The following ADAM8 variants were observed in gnomAD, a reference collection of about 807,000 sequenced individuals.
ADAM8 encodes ADAM metallopeptidase domain 8, also known as disintegrin and metalloproteinase domain-containing protein 8.
ADAM8 carries 104 observed loss-of-function variants against 102.4 expected under a neutral mutation model. The observed-to-expected ratio is 1.02, with a 90% CI of 0.87 to 1.20. The LOEUF is 1.20. Among genes scored for constraint, ADAM8 ranks in the 50% most tolerant of loss-of-function variants. The probability of loss-of-function intolerance (pLI) is 0.00; values close to 1 mark genes in which losing one functional copy is unlikely to be tolerated. For missense variants in ADAM8, 1,132 were observed against 1,159.0 expected, an observed-to-expected ratio of 0.98 and a Z score of 0.34; for synonymous variants, 517 against 485.2, an observed-to-expected ratio of 1.07 and a Z score of -0.86.
At chr10:133,275,758 C>G in intron 1 of ADAM8, 171 bp from the exon 2 acceptor site, 3 of 524,452 alleles carry the variant, frequency 5.7e-6, no homozygotes, top group Non-Finnish European at 6.6e-6. Flanking sequence ...TAAAAGACCC[C>G]AGGAGCGCCC....
chr10:133,270,969 C>G lies in ADAM8; in HGVS notation c.1476G>C (p.Gln492His), dbSNP rs1271895157. 1 of 1,612,852 alleles carries G rather than the reference C, an allele frequency of 6.2e-7. No homozygotes were observed. Among genetic ancestry groups the G allele is most frequent in the African/African-American group, 1.3e-5 (1 of 75,060 alleles). Residue 492 changes from glutamine to histidine, a missense_variant, in exon 14 of 23, where the codon CAG becomes CAC. Transcript: ENST00000445355. ...RHPECPEDAF[Q>H]ENGTPCSGGY... ...CCCCGGAGCAGGGCGTGCCGTTCTCCTGGAAGGCGTCTTCCGGGCACTCAG... is the reference window on the plus strand; with the variant it reads ...CCCCGGAGCAGGGCGTGCCGTTCTCGTGGAAGGCGTCTTCCGGGCACTCAG...
rs1448745900 is a variant in ADAM8 at position 133,275,466 on chromosome 10, A to C, written c.150+18T>G. 2.0e-6 allele frequency: 3 copies of C among 1,515,878 alleles called. No homozygotes were observed. The Admixed American group carries it at 6.8e-5, about 34-fold the overall frequency. The allele number at this position is 1,515,878 out of a possible 1,614,324, so 93.9% of individuals were successfully genotyped here. A position where few individuals can be genotyped will look rare whatever the true frequency, so the allele number is the denominator to read the frequency against. On this transcript the variant is annotated intron_variant, in intron 2 of 22. Transcript: ENST00000445355. ...CAGGGGCCAGCCAGGGACCCTCCCCAGGCCAGCTTAGACTCACCAAGTGGG... is the reference window on the plus strand; with the variant it reads ...CAGGGGCCAGCCAGGGACCCTCCCCCGGCCAGCTTAGACTCACCAAGTGGG...
intron 22 of ADAM8, 102 bp downstream of exon 22, chr10:133,263,586 A>G: frequency 1.3e-5 from 1 of 77,380 alleles, no homozygotes; most frequent in Non-Finnish European, 1.9e-5. Flanking sequence ...AGATAATCAG[A>G]AAAAAACCCC....
At chr10:133,271,355 G>A in intron 12 of ADAM8, 66 bp from the exon 13 acceptor site, 3 of 1,548,028 alleles carry the variant, frequency 1.9e-6, no homozygotes, top group Non-Finnish European at 2.6e-6. Context: ...GGCGGACCTG[G>A]CCGCCTCCCC....
At chr10:133,269,315 C>T in intron 18 of ADAM8, 130 bp downstream of exon 18, 16 of 1,253,016 alleles carry the variant, frequency 1.3e-5, no homozygotes, top group South Asian at 1.6e-5. Context: ...ACCTGTGTGT[C>T]GATGCCTGTG....
chr10:133,263,581 A>T, intron 22 of ADAM8, 107 bp downstream of exon 22: 1 of 1,039,892 alleles, frequency 9.6e-7, no homozygotes, highest in East Asian at 2.8e-5. Flanking sequence ...TCCACAGATA[A>T]TCAGAAAAAA....
chr10:133,271,296 C>T lies in ADAM8; in HGVS notation c.1285-7G>A, dbSNP rs375944480. 333 of 1,608,198 alleles carry T rather than the reference C, an allele frequency of 2.1e-4. 1 individual carries two copies. The highest frequency in any genetic ancestry group is 2.6e-4 in the Non-Finnish European group (309 of 1,178,806). On this transcript the variant is annotated splice_polypyrimidine_tract_variant and splice_region_variant and intron_variant, in intron 12 of 22. Transcript: ENST00000445355. ...AGCAGCGGTTCCGGCAGTCCTGGGG[C>T]GACGGCAAAGGCCTTGGCAGGCTGC...
chr10:133,269,369 CG>C lies in ADAM8; in HGVS notation c.1948+75del, dbSNP rs1363493255. ...GAACACCACCAGCTTCCCGGGCCCG[CG>C]GCTTCTGCCTGGGCTCTGTTCGGGC... On this transcript the variant is annotated intron_variant, in intron 18 of 22. Coordinates refer to ENST00000445355, the MANE Select transcript of ADAM8 (RefSeq NM_001109.5). The C allele has an allele frequency of 4.3e-6, 6 of 1,391,380 alleles. No homozygotes were observed. The African/African-American group carries it at 8.8e-5, about 20-fold the overall frequency. The allele number at this position is 1,391,380 out of a possible 1,614,324, so 86.2% of individuals were successfully genotyped here.
rs751585262 is a variant in ADAM8 at position 133,273,958 on chromosome 10, C to A, written c.299G>T (p.Arg100Leu). Residue 100 changes from arginine (R) to leucine (L), a missense_variant, in exon 4 of 23, where the codon CGC (arginine) becomes CTC (leucine). Coordinates refer to ENST00000445355, the MANE Select transcript of ADAM8 (RefSeq NM_001109.5). ...GCTCCGCCCGACCCATACCTGCCCG[C>A]GAGGCTGCTCCGTCACCTCGGAGCC... is the stretch of plus-strand genomic sequence containing the variant. ...ANGSEVTEQP[R>L]GQDHCFYQGH... The A allele has an allele frequency of 1.2e-6, 2 of 1,601,388 alleles. No individual in the cohort carries two copies. Among genetic ancestry groups the A allele is most frequent in the South Asian group, 1.1e-5 (1 of 89,222 alleles).
At position 133,271,890 on chromosome 10, in the gene ADAM8, C is replaced by G; in HGVS notation, c.1022G>C (p.Gly341Ala). 6.2e-7 allele frequency: 1 copy of G among 1,612,660 alleles called. No individual in the cohort carries two copies. Among genetic ancestry groups the G allele is most frequent in the Non-Finnish European group, 8.5e-7 (1 of 1,179,866 alleles). The change falls in exon 11 of 23, where the codon GGC (glycine) becomes GCC (alanine). Residue 341 changes from glycine (G) to alanine (A), a missense_variant. Physicochemically the swap from Gly to Ala is moderately conservative, Grantham distance 60 (BLOSUM62 0). Transcript: ENST00000445355. The part of the protein sequence containing the change: ...TMAHEMGHNL[G>A]MDHDENVQGC... ...CTGGACGTTCTCATCATGGTCCATG[C>G]CCAGGTTGTGGCCCATCTCATGGGC...
rs745517238 is a variant in ADAM8, at chr10:133,268,783, G to T, written c.2028C>A (p.Ile676=). ...TGCGGCTCCGGGCTTTGCGGTAGAC[G>T]ATGATGCCTGCCAGGGTGACCAGCA... The part of the protein sequence containing the change: ...AVVLVTLAGI[I]VYRKARSRIL... Residue 676 remains isoleucine, a synonymous_variant, in exon 19 of 23, where the codon ATC becomes ATA. Coordinates refer to ENST00000445355, the MANE Select transcript of ADAM8 (RefSeq NM_001109.5). 6.2e-7 allele frequency: 1 copy of T among 1,610,850 alleles called. No individual in the cohort carries two copies.
chr10:133,273,944 C>G lies in ADAM8; in HGVS notation c.306+7G>C. 1 of 1,594,328 alleles carries G rather than the reference C, an allele frequency of 6.3e-7. No homozygotes were observed. Among genetic ancestry groups the G allele is most frequent in the Non-Finnish European group, 8.5e-7 (1 of 1,173,768 alleles). ...CTGCCCGCCCAGCTGCTCCGCCCGA[C>G]CCATACCTGCCCGCGAGGCTGCTCC... is the stretch of plus-strand genomic sequence containing the variant. On this transcript the variant is annotated splice_region_variant and intron_variant, in intron 4 of 22. Coordinates refer to ENST00000445355, the MANE Select transcript of ADAM8 (RefSeq NM_001109.5).
In ADAM8 at chr10:133,262,893, G is replaced by C. The variant is rs893482922; in HGVS notation, c.*263C>G. The stretch of plus-strand genomic sequence containing the variant: ...CACCTGGAGACACGTACACACACAC[G>C]CACCCGCAAGCACACAGCTCATCCC... On this transcript the variant is annotated 3_prime_UTR_variant, in exon 23 of 23. Coordinates refer to ENST00000445355, the MANE Select transcript of ADAM8 (RefSeq NM_001109.5). 2 of 595,148 alleles carry C rather than the reference G, an allele frequency of 3.4e-6. No homozygotes were observed. Among genetic ancestry groups the C allele is most frequent in the Admixed American group, 2.7e-5 (1 of 36,478 alleles). 36.9% of individuals were successfully genotyped at this position (595,148 alleles called of 1,614,324 possible). A position where few individuals can be genotyped will look rare whatever the true frequency, so the allele number is the denominator to read the frequency against.
At position 133,264,058 on chromosome 10, in the gene ADAM8, C is replaced by CTT. The variant is rs3058139; in HGVS notation, c.2320-295_2320-294dup. Among the ~76,000 whole-genome samples the CTT allele has an allele frequency of 1.3e-3, 112 of 84,044 alleles. 1 individual carries two copies. Among genetic ancestry groups the CTT allele is most frequent in the African/African-American group, 3.8e-3 (103 of 27,444 alleles). 55.1% of individuals were successfully genotyped at this position (84,044 alleles called of 152,430 possible). A position where few individuals can be genotyped will look rare whatever the true frequency, so the allele number is the denominator to read the frequency against. On this transcript the variant is annotated intron_variant, in intron 21 of 22. Transcript: ENST00000445355. ...ACCCTCCAAGAGCTTTTTTCCTTTC[C>CTT]TTTTTTTTTTTTTTTTTTTTTGAGT...
intron 5 of ADAM8, 102 bp downstream of exon 5, chr10:133,273,660 G>A: frequency 7.2e-7 from 1 of 1,387,624 alleles, no homozygotes; most frequent in South Asian, 1.3e-5. Context: ...GGCCTGAGTG[G>A]GAGGAGGAGG....
intron 6 of ADAM8, 114 bp downstream of exon 6, chr10:133,273,140 C>G: frequency 1.3e-6 from 2 of 1,587,124 alleles, no homozygotes; most frequent in Non-Finnish European, 1.7e-6. Context: ...GCCAGGCCTG[C>G]TCCAGGCTGC....
intron 17 of ADAM8, 125 bp from the exon 18 acceptor site, chr10:133,269,654 A>G: frequency 9.3e-7 from 1 of 1,071,132 alleles, no homozygotes; most frequent in Non-Finnish European, 1.3e-6. Context: ...CCCTGCCCAC[A>G]TGCGCCGACG....
Position 133,270,238 on chromosome 10 carries a change from C to T in ADAM8, c.1785+122G>A, listed in dbSNP as rs139226456. ...AACCTTTCAGTCTCTACTAGAAGCGCGGAGAGAACTCTGTTCCCATGGCCT... is the reference window on the plus strand; with the variant it reads ...AACCTTTCAGTCTCTACTAGAAGCGTGGAGAGAACTCTGTTCCCATGGCCT... On this transcript the variant is annotated intron_variant, in intron 16 of 22. Transcript: ENST00000445355. 3.3e-5 allele frequency: 43 copies of T among 1,317,580 alleles called. No individual in the cohort carries two copies. The South Asian group carries it at 3.8e-4, about 12-fold the overall frequency. 81.6% of individuals were successfully genotyped at this position (1,317,580 alleles called of 1,614,324 possible). A position where few individuals can be genotyped will look rare whatever the true frequency, so the allele number is the denominator to read the frequency against.
chr10:133,274,815 C>A, intron 2 of ADAM8: 1 of 426,714 alleles, frequency 2.3e-6, no homozygotes, highest in Non-Finnish European at 4.7e-6. Context: ...CCTGCAGAGC[C>A]TCCTGCTGGA....
Sources: gnomAD v4.1 joint callset for allele counts (sites outside exome capture counted in the v4.1 genomes callset) on GRCh38, gnomAD v4.1.1 for gene constraint, MANE v1.5 for transcripts, NCBI Gene and HGNC (gene_info 2026-07-23, HGNC 2026-07-21) for gene names.